Variants in NYAP2 observed in about 807,000 individuals in gnomAD.
NYAP2 encodes the protein neuronal tyrosine-phosphorylated phosphoinositide-3-kinase adaptor 2.
Under a neutral mutation model 50.4 loss-of-function variants are expected in NYAP2, and 23 were observed. The observed-to-expected ratio is 0.46, with a 90% CI of 0.33 to 0.65. The LOEUF (loss-of-function observed/expected upper bound fraction) is 0.65. Ranked by LOEUF, NYAP2 falls within the 30% of genes least tolerant of loss-of-function variation. NYAP2 has a pLI of 0.02. For missense variants in NYAP2, 885 were observed against 861.0 expected (o/e 1.03, Z -0.35); for synonymous variants, 394 against 365.2 (o/e 1.08, Z -0.90).
At chr2:225,436,048 GA>G (rs1225800491) in intron 3 of NYAP2, among the ~76,000 whole-genome samples, 1 of 152,140 alleles carries the variant, frequency 6.6e-6, no homozygotes, top group East Asian at 1.9e-4. Flanking sequence ...CTAGGCACCA[GA>G]CACTGTAGTT....
intron 3 of NYAP2, among the ~76,000 whole-genome samples, chr2:225,430,632 A>C (rs1385594791): frequency 6.6e-6 from 1 of 152,212 alleles, no homozygotes; most frequent in African/African-American, 2.4e-5. Flanking sequence ...TCTACAGATA[A>C]GGAAACTGAG....
intron 4 of NYAP2, among the ~76,000 whole-genome samples, chr2:225,524,471 T>C (rs1691118468): frequency 6.6e-6 from 1 of 152,160 alleles, no homozygotes; most frequent in African/African-American, 2.4e-5. Context: ...TGTTAATCTC[T>C]TTTGGCAACA....
chr2:225,672,935 C>G, the NYAP2 span, among the ~76,000 whole-genome samples: 1 of 151,678 alleles, frequency 6.6e-6, no homozygotes, highest in African/African-American at 2.4e-5. Context: ...ACATCAAAGG[C>G]AATCACAGAT....
chr2:225,439,204 T>C (rs1689432032), intron 3 of NYAP2, among the ~76,000 whole-genome samples: 1 of 152,032 alleles, frequency 6.6e-6, no homozygotes, highest in East Asian at 1.9e-4. Flanking sequence ...AGGATGTACT[T>C]GAGGAAAGGA....
chr2:225,599,616 A>T (rs1692662880), intron 5 of NYAP2, among the ~76,000 whole-genome samples: 2 of 152,172 alleles, frequency 1.3e-5, no homozygotes, highest in African/African-American at 2.4e-5. Context: ...TTGACCTTGG[A>T]GACTTTTTCC....
intron 3 of NYAP2, among the ~76,000 whole-genome samples, chr2:225,502,131 C>T (rs569724470): frequency 9.9e-5 from 15 of 152,214 alleles, no homozygotes; most frequent in South Asian, 4.1e-4. Flanking sequence ...GAGAGTGACA[C>T]GAGCAAATCT....
At chr2:225,566,161 A>G (rs1364617930) in intron 4 of NYAP2, among the ~76,000 whole-genome samples, 1 of 152,208 alleles carries the variant, frequency 6.6e-6, no homozygotes, top group East Asian at 1.9e-4. Flanking sequence ...TCTGATACAA[A>G]TAAAGCATTT....
chr2:225,679,953 C>T, the NYAP2 span, among the ~76,000 whole-genome samples: 1 of 152,102 alleles, frequency 6.6e-6, no homozygotes, highest in Non-Finnish European at 1.5e-5. Flanking sequence ...TCAGTTTCCT[C>T]ACTTGTAATA....
chr2:225,511,373 C>CACACAGAGAG (rs376750469), intron 3 of NYAP2, among the ~76,000 whole-genome samples: 4 of 117,768 alleles, frequency 3.4e-5, no homozygotes, highest in African/African-American at 1.3e-4. Context: ...CACACACACA[C>CACACAGAGAG]AGAGAGAGAG....
At chr2:225,693,102 T>C in the NYAP2 span, among the ~76,000 whole-genome samples, 2 of 152,126 alleles carry the variant, frequency 1.3e-5, no homozygotes. Context: ...CTTAAATCCA[T>C]ACTGTATTCC....
intron 5 of NYAP2, among the ~76,000 whole-genome samples, chr2:225,604,266 C>T (rs1692746633): frequency 2.0e-5 from 3 of 152,072 alleles, no homozygotes; most frequent in Admixed American, 2.0e-4. Context: ...ATGGTATTGC[C>T]ACATAAAATT....
intron 3 of NYAP2, among the ~76,000 whole-genome samples, chr2:225,423,533 A>G (rs1181117228): frequency 6.6e-6 from 1 of 152,176 alleles, no homozygotes; most frequent in Non-Finnish European, 1.5e-5. Context: ...TCTAGGAACT[A>G]TAACTTGGGA....
exon 6 of NYAP2, chr2:225,627,121 G>A (rs762621920): frequency 1.3e-6 from 2 of 1,581,066 alleles, no homozygotes; most frequent in East Asian, 2.3e-5. Flanking sequence ...GGAAACCACA[G>A]TTCAGGTAAG....
intron 4 of NYAP2, among the ~76,000 whole-genome samples, chr2:225,573,962 A>G (rs1692124293): frequency 1.3e-5 from 2 of 152,174 alleles, no homozygotes; most frequent in African/African-American, 2.4e-5. Flanking sequence ...AAAAGCAGGG[A>G]AGGTGTTGAG....
the NYAP2 span, among the ~76,000 whole-genome samples, chr2:225,668,541 T>C: frequency 6.6e-6 from 1 of 152,192 alleles, no homozygotes; most frequent in Non-Finnish European, 1.5e-5. Context: ...GTTTTATCGA[T>C]GTCTAAATAT....
chr2:225,664,745 G>A, the NYAP2 span, among the ~76,000 whole-genome samples: 3 of 152,082 alleles, frequency 2.0e-5, no homozygotes, highest in African/African-American at 2.4e-5. Flanking sequence ...GCGTGGTGGC[G>A]GGCGCCTGTA....
chr2:225,493,658 C>T (rs1397997758), intron 3 of NYAP2, among the ~76,000 whole-genome samples: 1 of 152,216 alleles, frequency 6.6e-6, no homozygotes, highest in Non-Finnish European at 1.5e-5. Context: ...TTCTCAGCCT[C>T]TGATCTCACT....
At chr2:225,510,158 C>T (rs1277457628) in intron 3 of NYAP2, among the ~76,000 whole-genome samples, 1 of 152,142 alleles carries the variant, frequency 6.6e-6, no homozygotes, top group African/African-American at 2.4e-5. Context: ...AAGAAACAAA[C>T]CTATATCATT....
At chr2:225,433,877 T>G in intron 3 of NYAP2, among the ~76,000 whole-genome samples, 1 of 134,884 alleles carries the variant, frequency 7.4e-6, no homozygotes, top group African/African-American at 2.7e-5. Context: ...TGATAAAACA[T>G]CAGGTGTTTC....
Sources: gnomAD v4.1 joint callset for allele counts (sites outside exome capture counted in the v4.1 genomes callset) on GRCh38, gnomAD v4.1.1 for gene constraint, MANE v1.5 for transcripts, NCBI Gene and HGNC (gene_info 2026-07-23, HGNC 2026-07-21) for gene names.